CCDC91: variants seen among roughly 807,000 people sequenced by gnomAD.
CCDC91 encodes coiled-coil domain-containing protein 91.
Under a neutral mutation model 63.2 loss-of-function variants are expected in CCDC91, and 48 were observed. The ratio of observed to expected loss-of-function variants is 0.76; its 90% CI spans 0.60 to 0.97. The LOEUF is 0.97. Among genes scored for constraint, CCDC91 ranks in the 50% least tolerant of loss-of-function variants. The pLI is 0.00. For missense variants in CCDC91, 500 were observed against 494.6 expected, an observed-to-expected ratio of 1.01 and a Z score of -0.10; for synonymous variants, 167 against 165.8, an observed-to-expected ratio of 1.01 and a Z score of -0.06.
At chr12:28,307,142 T>C (rs1278548459) in intron 5 of CCDC91, among the ~76,000 whole-genome samples, 197 bp downstream of exon 5, 6 of 151,986 alleles carry the variant, frequency 3.9e-5, no homozygotes, top group Admixed American at 3.3e-4. Context: ...TTTAAAGATA[T>C]GAACATCGTT....
intron 6 of CCDC91, among the ~76,000 whole-genome samples, chr12:28,316,635 A>T (rs1311342497): frequency 9.6e-6 from 1 of 103,868 alleles, no homozygotes; most frequent in Non-Finnish European, 1.9e-5. Context: ...TTTTTTTCAT[A>T]TAATAGCATT....
intron 1 of CCDC91, chr12:28,225,982 A>G (rs896455842): frequency 1.1e-4 from 17 of 152,254 alleles, no homozygotes; most frequent in African/African-American, 4.1e-4. Context: ...GAAGCTAAAT[A>G]TAGGAGGCCA....
At chr12:28,459,695 G>A (rs1356281226) in intron 11 of CCDC91, among the ~76,000 whole-genome samples, 4 of 152,078 alleles carry the variant, frequency 2.6e-5, no homozygotes, top group Non-Finnish European at 4.4e-5. Flanking sequence ...TACTTTGAAC[G>A]ACTAGTATAT....
chr12:28,256,078 G>C (rs982795323), intron 1 of CCDC91: 3 of 151,874 alleles, frequency 2.0e-5, no homozygotes, highest in Non-Finnish European at 4.4e-5. Flanking sequence ...TCAACATTTG[G>C]GTATGTTCAC....
At chr12:28,240,350 C>CT (rs1156666282) in intron 1 of CCDC91, among the ~76,000 whole-genome samples, 9 of 151,968 alleles carry the variant, frequency 5.9e-5, no homozygotes, top group African/African-American at 1.9e-4. Flanking sequence ...TACTTCTTGA[C>CT]TTTTTTTTCC....
chr12:28,237,543 A>G (rs1945047430), intron 1 of CCDC91, among the ~76,000 whole-genome samples: 1 of 152,150 alleles, frequency 6.6e-6, no homozygotes, highest in Admixed American at 6.6e-5. Flanking sequence ...CTAGCCTTGA[A>G]CATTAGAGTG....
intron 1 of CCDC91, among the ~76,000 whole-genome samples, chr12:28,208,997 G>A (rs1301872832): frequency 6.6e-6 from 1 of 151,472 alleles, no homozygotes; most frequent in Non-Finnish European, 1.5e-5. Flanking sequence ...TAGTAGAGAT[G>A]AGGTTTCACC....
chr12:28,267,934 A>G (rs538220235), intron 3 of CCDC91, among the ~76,000 whole-genome samples: 1 of 102,586 alleles, frequency 9.7e-6, no homozygotes, highest in Admixed American at 1.5e-4. Context: ...AATTATATAT[A>G]ATTATATATA....
At chr12:28,402,520 A>ATTTTTTTTTTTT (rs57398967) in intron 8 of CCDC91, among the ~76,000 whole-genome samples, 157 of 51,950 alleles carry the variant, frequency 3.0e-3, no homozygotes, top group African/African-American at 9.6e-3. Flanking sequence ...AGTTCCAGGA[A>ATTTTTTTTTTTT]TTTTTTTTTT....
intron 1 of CCDC91, chr12:28,236,898 T>G (rs1367260877): frequency 6.6e-6 from 1 of 152,072 alleles, no homozygotes; most frequent in Non-Finnish European, 1.5e-5. Context: ...AATGGTACAT[T>G]TCAAGTAAAG....
rs1176854993 is a variant in CCDC91, at chr12:28,259,556, A to G, written c.109+114A>G. Reference sequence around the variant, plus strand: ...TTTACTTGTCCTTCACTGATCTGAAAAATGGAGTGATCCAGATTTACTCTT... The same window carrying G: ...TTTACTTGTCCTTCACTGATCTGAAGAATGGAGTGATCCAGATTTACTCTT... On this transcript the variant is annotated intron_variant, in intron 3 of 12. Transcript: ENST00000536442. 3 of 657,068 alleles carry G rather than the reference A, an allele frequency of 4.6e-6. No individual in the cohort carries two copies. In the Admixed American group the frequency reaches 8.5e-5, roughly 19 times the overall value. The allele number at this position is 657,068 out of a possible 1,614,324, so 40.7% of individuals were successfully genotyped here.
chr12:28,412,734 T>C (rs998229076), intron 8 of CCDC91: 1 of 453,602 alleles, frequency 2.2e-6, no homozygotes, highest in African/African-American at 2.0e-5. Flanking sequence ...CCCTCCCATG[T>C]TCCATTTCTG....
At chr12:28,430,799 T>C (rs1176436692) in intron 8 of CCDC91, among the ~76,000 whole-genome samples, 1 of 152,170 alleles carries the variant, frequency 6.6e-6, no homozygotes, top group East Asian at 1.9e-4. Context: ...TTTGTGAGTT[T>C]AGATAAAATA....
At chr12:28,418,621 A>C (rs1947819231) in intron 8 of CCDC91, among the ~76,000 whole-genome samples, 1 of 152,124 alleles carries the variant, frequency 6.6e-6, no homozygotes, top group Non-Finnish European at 1.5e-5. Context: ...AATTATTATT[A>C]TGTTAATGGC....
chr12:28,370,477 C>A (rs1944548325), intron 7 of CCDC91, among the ~76,000 whole-genome samples: 1 of 152,190 alleles, frequency 6.6e-6, no homozygotes, highest in Non-Finnish European at 1.5e-5. Flanking sequence ...TCAGTGTCAG[C>A]ATTTTGGTCA....
At chr12:28,490,515 T>C (rs945875368) in intron 12 of CCDC91, among the ~76,000 whole-genome samples, 6 of 151,830 alleles carry the variant, frequency 4.0e-5, no homozygotes, top group Non-Finnish European at 5.9e-5. Flanking sequence ...GGAAAAATAT[T>C]TGGATTTAGA....
Position 28,253,633 on chromosome 12 carries a change from T to C in CCDC91, c.-14-3569T>C, listed in dbSNP as rs1946263841. Among the ~76,000 whole-genome samples, 5 of 152,316 alleles carry C rather than the reference T, an allele frequency of 3.3e-5. No individual in the cohort carries two copies. In the South Asian group the frequency reaches 1.0e-3, roughly 32 times the overall value. ...TTCCAGTGACTCATTTTCCTTGTATTTGCTTTGAAATTTCTTGTAGTTTTC... is the reference window on the plus strand; with the variant it reads ...TTCCAGTGACTCATTTTCCTTGTATCTGCTTTGAAATTTCTTGTAGTTTTC... On this transcript the variant is annotated intron_variant, in intron 1 of 12. Coordinates refer to ENST00000536442, the MANE Select transcript of CCDC91 (RefSeq NM_018318.5).
chr12:28,462,684 A>G (rs142916304), intron 11 of CCDC91, among the ~76,000 whole-genome samples: 286 of 152,302 alleles, frequency 1.9e-3, no homozygotes, highest in Middle Eastern at 6.8e-3. Flanking sequence ...TATTCTAGTC[A>G]TAAAGACTAT....
intron 8 of CCDC91, among the ~76,000 whole-genome samples, chr12:28,393,588 C>T (rs1946090608): frequency 6.6e-6 from 1 of 152,122 alleles, no homozygotes; most frequent in Non-Finnish European, 1.5e-5. Context: ...TTTATTTTAT[C>T]TGTGCTTGGA....
Sources: allele counts gnomAD v4.1 joint callset (sites outside exome capture counted in the v4.1 genomes callset), GRCh38; gene constraint gnomAD v4.1.1; transcripts MANE v1.5; gene names NCBI Gene and HGNC (gene_info 2026-07-23, HGNC 2026-07-21).